The following CDC42SE2 variants were observed in gnomAD, a reference collection of about 807,000 sequenced individuals.
CDC42SE2 encodes the protein CDC42 small effector protein 2.
CDC42SE2 carries 3 observed loss-of-function variants against 11.5 expected under a neutral mutation model. The ratio of observed to expected loss-of-function variants is 0.26; its 90% CI spans 0.12 to 0.67. CDC42SE2 has a LOEUF of 0.67. Among genes scored for constraint, CDC42SE2 ranks in the 30% least tolerant of loss-of-function variants. The pLI is 0.80. For synonymous variants in CDC42SE2, 33 were observed against 34.8 expected (o/e 0.95, Z 0.18); for missense variants, 82 against 106.8 (o/e 0.77, Z 1.02).
upstream of CDC42SE2, chr5:131,263,841 C>G (rs560713598): frequency 6.6e-6 from 1 of 152,392 alleles, no homozygotes; most frequent in South Asian, 2.1e-4. Context: ...CAATTCCTAA[C>G]CCGCGCGGCT....
intron 1 of CDC42SE2, among the ~76,000 whole-genome samples, chr5:131,314,413 T>G (rs543254438): frequency 6.6e-5 from 10 of 152,068 alleles, no homozygotes; most frequent in East Asian, 5.8e-4. Flanking sequence ...AAACATTTTT[T>G]TTGTTGTTGT....
chr5:131,358,494 A>G (rs2149769582), intron 2 of CDC42SE2, among the ~76,000 whole-genome samples: 1 of 152,296 alleles, frequency 6.6e-6, no homozygotes, highest in South Asian at 2.1e-4. Flanking sequence ...TGGCAGTCAG[A>G]AATAAAAAAT....
intron 1 of CDC42SE2, chr5:131,245,625 A>T (rs1014212346): frequency 6.6e-6 from 1 of 152,204 alleles, no homozygotes; most frequent in Non-Finnish European, 1.5e-5. Flanking sequence ...TATTCTCATA[A>T]TGTAATGGTG....
rs995739880 is a variant in CDC42SE2, at chr5:131,391,730, A to G, written c.*639A>G. On this transcript the variant is annotated 3_prime_UTR_variant, in exon 5 of 5. Transcript: ENST00000505065. ...GTAGTAATTTTACAGTTAAGACTTC[A>G]TTGTTTATAAACTTTTCAAATTAAT... 6.6e-6 allele frequency: 1 copy of G among 152,262 alleles called. No homozygotes were observed. The highest frequency in any genetic ancestry group is 1.5e-5 in the Non-Finnish European group (1 of 68,052). The allele number at this position is 152,262 out of a possible 1,614,324, so 9.4% of individuals were successfully genotyped here.
chr5:131,287,104 C>T (rs1250594194), intron 1 of CDC42SE2, among the ~76,000 whole-genome samples: 6 of 152,160 alleles, frequency 3.9e-5, no homozygotes, highest in Non-Finnish European at 8.8e-5. Context: ...AAGCGATTCT[C>T]GTGCCTCAGT....
Position 131,246,761 on chromosome 5 carries a change from CT to C in CDC42SE2, n.107+1180del, listed in dbSNP as rs71000981. Among the ~76,000 whole-genome samples, 353 of 124,440 alleles carry C rather than the reference CT, an allele frequency of 2.8e-3. 1 individual carries two copies. Among genetic ancestry groups the C allele is most frequent in the African/African-American group, 5.8e-3 (191 of 33,170 alleles). The allele number at this position is 124,440 out of a possible 152,430, so 81.6% of individuals were successfully genotyped here. A position where few individuals can be genotyped will look rare whatever the true frequency, so the allele number is the denominator to read the frequency against. On this transcript the variant is annotated intron_variant and non_coding_transcript_variant, in intron 1 of 3. Transcript: ENST00000502840. Reference sequence around the variant, plus strand: ...CATACCTATATTTTTCACTCAAATCCTTTTTTTTTTTTTTTTTTGAGACAGA... The same window carrying C: ...CATACCTATATTTTTCACTCAAATCCTTTTTTTTTTTTTTTTTGAGACAGA...
At chr5:131,302,171 C>T (rs1255493032) in intron 1 of CDC42SE2, among the ~76,000 whole-genome samples, 1 of 150,726 alleles carries the variant, frequency 6.6e-6, no homozygotes, top group African/African-American at 2.4e-5. Context: ...TACTGCCCGG[C>T]TAAGTTTTGG....
At chr5:131,366,326 A>G (rs1184990331) in intron 3 of CDC42SE2, among the ~76,000 whole-genome samples, 1 of 152,228 alleles carries the variant, frequency 6.6e-6, no homozygotes, top group Non-Finnish European at 1.5e-5. Context: ...GTGTTCCAGT[A>G]CTGTTGTCTG....
At chr5:131,327,809 T>G (rs190312977) in intron 2 of CDC42SE2, among the ~76,000 whole-genome samples, 343 of 152,352 alleles carry the variant, frequency 2.3e-3, no homozygotes, top group African/African-American at 5.4e-3. Flanking sequence ...GATGCTGTTG[T>G]GGATGTTACA....
chr5:131,350,065 A>C (rs1367990608), intron 2 of CDC42SE2, among the ~76,000 whole-genome samples: 1 of 152,116 alleles, frequency 6.6e-6, no homozygotes, highest in Non-Finnish European at 1.5e-5. Flanking sequence ...AATTGAGTTT[A>C]AAGTAGATAT....
chr5:131,270,593 A>C (rs1365234439), intron 1 of CDC42SE2, among the ~76,000 whole-genome samples: 1 of 152,188 alleles, frequency 6.6e-6, no homozygotes, highest in East Asian at 1.9e-4. Context: ...GCAAAATACA[A>C]CTTTCACTGT....
rs182896410 is a variant in CDC42SE2, at chr5:131,380,178, T to C, written c.55-5365T>C. Among the ~76,000 whole-genome samples the C allele has an allele frequency of 3.3e-4, 50 of 152,310 alleles. No individual in the cohort carries two copies. The East Asian group carries it at 8.3e-3, about 25-fold the overall frequency. ...TTGGTTACATGAGTAAGTTCTTTAG[T>C]GGTGATTTGTGGATTTTGGTGTACT... is the stretch of plus-strand genomic sequence containing the variant. On this transcript the variant is annotated intron_variant, in intron 3 of 4. Transcript: ENST00000505065.
chr5:131,367,711 C>T (rs944099137), intron 3 of CDC42SE2, among the ~76,000 whole-genome samples: 12 of 152,104 alleles, frequency 7.9e-5, no homozygotes, highest in African/African-American at 2.2e-4. Flanking sequence ...TTCCCTCTTA[C>T]GTTCTGAATA....
At chr5:131,321,716 T>C (rs1758191507) in intron 2 of CDC42SE2, among the ~76,000 whole-genome samples, 1 of 151,682 alleles carries the variant, frequency 6.6e-6, no homozygotes, top group African/African-American at 2.4e-5. Context: ...TAATTCTATC[T>C]TCCCCCCCGC....
intron 3 of CDC42SE2, among the ~76,000 whole-genome samples, chr5:131,371,758 A>T (rs182964127): frequency 3.9e-5 from 6 of 152,352 alleles, no homozygotes; most frequent in African/African-American, 1.4e-4. Flanking sequence ...AATTTTATCC[A>T]AATAGAAATG....
intron 2 of CDC42SE2, among the ~76,000 whole-genome samples, chr5:131,342,386 G>GTTTTTTTTTTTTTTTTTTTTT (rs1304028910): frequency 5.2e-5 from 6 of 114,850 alleles, no homozygotes; most frequent in African/African-American, 2.9e-4. Context: ...ATTTTTAATA[G>GTTTTTTTTTTTTTTTTTTTTT]TCTTTTTTTT....
chr5:131,361,960 C>G lies in CDC42SE2; in HGVS notation c.54+2413C>G, dbSNP rs1333654319. On this transcript the variant is annotated intron_variant, in intron 3 of 4. Transcript: ENST00000505065. ...TGTGCTCCTCTCGACGTTTGGCTGT[C>G]TATGTGTCTGCCTGCTAGGGTCTTG... 2.6e-5 allele frequency among the ~76,000 whole-genome samples: 4 copies of G among 152,106 alleles called. No individual in the cohort carries two copies. The South Asian group carries it at 8.3e-4, about 31-fold the overall frequency.
the CDC42SE2 span, among the ~76,000 whole-genome samples, chr5:131,231,849 T>G: frequency 1.3e-5 from 2 of 152,034 alleles, no homozygotes; most frequent in Admixed American, 6.6e-5. Flanking sequence ...TGGAGTGTGG[T>G]GGCACGATCT....
At chr5:131,290,777 GC>G (rs1167412248) in intron 1 of CDC42SE2, among the ~76,000 whole-genome samples, 3 of 152,022 alleles carry the variant, frequency 2.0e-5, no homozygotes, top group Non-Finnish European at 4.4e-5. Context: ...ACCATGCCTG[GC>G]CATAACTGAC....
Sources: gnomAD v4.1 joint callset for allele counts (sites outside exome capture counted in the v4.1 genomes callset) on GRCh38, gnomAD v4.1.1 for gene constraint, MANE v1.5 for transcripts, NCBI Gene and HGNC (gene_info 2026-07-23, HGNC 2026-07-21) for gene names.